CFAP43: variants seen among roughly 807,000 people sequenced by gnomAD.
The protein encoded by CFAP43 is cilia- and flagella-associated protein 43.
In CFAP43, 155 loss-of-function variants were observed where a neutral mutation model predicts 218.9. The ratio of observed to expected loss-of-function variants is 0.71; its 90% CI spans 0.62 to 0.81. The LOEUF (loss-of-function observed/expected upper bound fraction) is 0.81, where lower values mean the gene tolerates loss of function less well. CFAP43 is among the 30% of genes least tolerant of loss of function. CFAP43 has a pLI of 0.00. For missense variants in CFAP43, 1,778 were observed against 1,954.3 expected (o/e 0.91, Z 1.70); for synonymous variants, 645 against 681.3 (o/e 0.95, Z 0.83).
chr10:104,148,014 A>G lies in CFAP43; in HGVS notation c.3661-16T>C. 2.0e-6 allele frequency: 3 copies of G among 1,526,790 alleles called. No homozygotes were observed. The highest frequency in any genetic ancestry group is 2.7e-6 in the Non-Finnish European group (3 of 1,128,794). 94.6% of individuals were successfully genotyped at this position (1,526,790 alleles called of 1,614,324 possible). A position where few individuals can be genotyped will look rare whatever the true frequency, so the allele number is the denominator to read the frequency against. ...TCAGTTCCTCCTGTAGAAATATTTA[A>G]GAAAAAGGTTGGTGGAATTACTTCC... On this transcript the variant is annotated splice_polypyrimidine_tract_variant and intron_variant, in intron 28 of 37. Transcript: ENST00000357060.
rs143442935 is a variant in CFAP43, at chr10:104,162,352, C to T, written c.3298G>A (p.Val1100Met). 125 of 1,614,166 alleles carry T rather than the reference C, an allele frequency of 7.7e-5. No homozygotes were observed. In the African/African-American group the frequency reaches 1.2e-3, roughly 15 times the overall value. The change falls in exon 25 of 38, where the codon GTG (valine) becomes ATG (methionine). Residue 1100 changes from valine (V) to methionine (M), a missense_variant. Transcript: ENST00000357060. ...AGCCAGTGCTCCTTTTCATGATTCA[C>T]GATCAATTCTTTGGCTTTGTGCCAC... ...KPWHKAKELI[V>M]NHEKEHWLLI...
At position 104,131,459 on chromosome 10, in the gene CFAP43, C is replaced by A. The variant is rs1407256916; in HGVS notation, c.4703G>T (p.Cys1568Phe). 1.9e-6 allele frequency: 3 copies of A among 1,611,140 alleles called. No homozygotes were observed. The highest frequency in any genetic ancestry group is 3.4e-5 in the Admixed American group (2 of 59,340). ...TCCAAGTTTTTTGAGTAGTTTCTTG[C>A]AGTTTTCCACATTCTTTTTGTGCAT... ...DKMHKKNVEN[C>F]KKLLKKLGKF... The change falls in exon 37 of 38, where the codon TGC becomes TTC. Residue 1568 changes from cysteine (C) to phenylalanine (F), a missense_variant. Physicochemically the swap from Cys to Phe is radical, Grantham distance 205. This residue lies in a region of CFAP43 where 211 missense variants were observed against 230.6 expected (regional missense o/e 0.91). Transcript: ENST00000357060.
intron 10 of CFAP43, among the ~76,000 whole-genome samples, chr10:104,194,495 G>A (rs548660471): frequency 3.9e-5 from 6 of 152,152 alleles, no homozygotes; most frequent in African/African-American, 9.6e-5. Context: ...TCAGCCTGCC[G>A]AGTCGCTGGG....
At position 104,214,305 on chromosome 10, in the gene CFAP43, C is replaced by T. The variant is rs761598685; in HGVS notation, c.538G>A (p.Val180Met). The change falls in exon 4 of 38, where the codon GTG becomes ATG. Residue 180 changes from valine (V) to methionine (M), a missense_variant. Physicochemically the swap from Val to Met is conservative, Grantham distance 21. Coordinates refer to ENST00000357060, the MANE Select transcript of CFAP43 (RefSeq NM_025145.7). ...LCLSSPSTVS[V>M]WTIERSNQEH... Reference sequence around the variant, plus strand: ...TGGTTACTTCTTTCAATGGTCCACACGCTCACTGTACTTGGACTTGATAAG... The same window carrying T: ...TGGTTACTTCTTTCAATGGTCCACATGCTCACTGTACTTGGACTTGATAAG... 1.1e-5 allele frequency: 17 copies of T among 1,607,690 alleles called. No individual in the cohort carries two copies. In the East Asian group the frequency reaches 2.2e-4, roughly 21 times the overall value.
chr10:104,180,566 C>T (rs2089798560), intron 17 of CFAP43, among the ~76,000 whole-genome samples: 2 of 151,888 alleles, frequency 1.3e-5, no homozygotes, highest in Non-Finnish European at 2.9e-5. Context: ...CTGCCTCAGC[C>T]TCCTGAGTAG....
intron 17 of CFAP43, 28 bp from the exon 18 acceptor site, chr10:104,179,960 T>C: frequency 6.4e-7 from 1 of 1,573,676 alleles, no homozygotes; most frequent in South Asian, 1.1e-5. Flanking sequence ...AAGACAGACA[T>C]GTCTTAAAGT....
In CFAP43 at chr10:104,224,710, G is replaced by A. The variant is rs550204578; in HGVS notation, c.416+751C>T. On this transcript the variant is annotated intron_variant, in intron 3 of 37. Transcript: ENST00000357060. The stretch of plus-strand genomic sequence containing the variant: ...ATGGAGGTTGCAGTGAGCTGAGATC[G>A]TGCCACTGCACTCCAGCCTGGGGGA... 3.1e-3 allele frequency among the ~76,000 whole-genome samples: 437 copies of A among 143,124 alleles called. 2 individuals are homozygous for A. Among genetic ancestry groups the A allele is most frequent in the South Asian group, 4.7e-3 (21 of 4,502 alleles). The allele number at this position is 143,124 out of a possible 152,430, so 93.9% of individuals were successfully genotyped here. A position where few individuals can be genotyped will look rare whatever the true frequency, so the allele number is the denominator to read the frequency against.
chr10:104,165,969 C>T (rs1485464530), intron 23 of CFAP43, among the ~76,000 whole-genome samples: 1 of 152,194 alleles, frequency 6.6e-6, no homozygotes. Context: ...AACTTGGTAT[C>T]ACAGTAACCT....
In CFAP43 at chr10:104,205,212, CA is replaced by C. The variant is rs71022723; in HGVS notation, c.963+750del. On this transcript the variant is annotated intron_variant, in intron 7 of 37. Coordinates refer to ENST00000357060, the MANE Select transcript of CFAP43 (RefSeq NM_025145.7). Reference sequence around the variant, plus strand: ...TGGGAGACAGAGCGAGACTCCGTCTCAAAAAAAAAAAAAAAAAAAAAAAGAA... The same window carrying C: ...TGGGAGACAGAGCGAGACTCCGTCTCAAAAAAAAAAAAAAAAAAAAAAGAA... 3.6e-3 allele frequency among the ~76,000 whole-genome samples: 202 copies of C among 56,552 alleles called. 1 individual carries two copies. Among genetic ancestry groups the C allele is most frequent in the East Asian group, 0.021 (42 of 1,998 alleles). 37.1% of individuals were successfully genotyped at this position (56,552 alleles called of 152,430 possible).
Position 104,225,488 on chromosome 10 carries a change from G to C in CFAP43, c.389C>G (p.Ser130Cys), listed in dbSNP as rs1339816448. The C allele has an allele frequency of 1.9e-6, 3 of 1,612,694 alleles. No homozygotes were observed. The East Asian group carries it at 6.7e-5, about 36-fold the overall frequency. Residue 130 changes from serine to cysteine, a missense_variant, in exon 3 of 38, where the codon TCT becomes TGT. This residue lies in a region of CFAP43 where 1,553 missense variants were observed against 1,685.2 expected (regional missense o/e 0.92). Coordinates refer to ENST00000357060, the MANE Select transcript of CFAP43 (RefSeq NM_025145.7). ...AAGGGCCAGTTCAAATTCTGGGAGAGAGGAGTAACTAGCCAGGTAGGTGCC... is the reference window on the plus strand; with the variant it reads ...AAGGGCCAGTTCAAATTCTGGGAGACAGGAGTAACTAGCCAGGTAGGTGCC... Reference protein sequence around the residue: ...YCGTYLASYSSLPEFELALWN... With the variant: ...YCGTYLASYSCLPEFELALWN...
chr10:104,143,259 C>CAATA (rs1438547173), intron 32 of CFAP43, among the ~76,000 whole-genome samples, 167 bp downstream of exon 32: 3 of 152,300 alleles, frequency 2.0e-5, no homozygotes, highest in African/African-American at 7.2e-5. Context: ...ACTTAGCCTT[C>CAATA]AATAGCACCA....
chr10:104,141,211 T>C (rs954938431), intron 33 of CFAP43, among the ~76,000 whole-genome samples: 1 of 152,184 alleles, frequency 6.6e-6, no homozygotes, highest in Non-Finnish European at 1.5e-5. Flanking sequence ...AAAAATGGTA[T>C]GGACAGAAAT....
chr10:104,207,762 G>A lies in CFAP43; in HGVS notation c.798C>T (p.Asp266=), dbSNP rs748982269. The change falls in exon 6 of 38, where the codon GAC becomes GAT. Residue 266 remains aspartate (D), a synonymous_variant. Coordinates refer to ENST00000357060, the MANE Select transcript of CFAP43 (RefSeq NM_025145.7). Reference sequence around the variant, plus strand: ...GACCCTCTTCACAGCCAATGTACAAGTCACTTGTTGGAGTCCAGCAATGCA... The same window carrying A: ...GACCCTCTTCACAGCCAATGTACAAATCACTTGTTGGAGTCCAGCAATGCA... ...PTMHCWTPTS[D]LYIGCEEGHL... 6.2e-7 allele frequency: 1 copy of A among 1,614,152 alleles called. No individual in the cohort carries two copies. Among genetic ancestry groups the A allele is most frequent in the South Asian group, 1.1e-5 (1 of 91,074 alleles).
At chr10:104,156,191 A>G (rs989819594) in intron 27 of CFAP43, among the ~76,000 whole-genome samples, 1 of 152,144 alleles carries the variant, frequency 6.6e-6, no homozygotes, top group Non-Finnish European at 1.5e-5. Flanking sequence ...CAAAAGAAAA[A>G]TCATAAAATC....
intron 10 of CFAP43, among the ~76,000 whole-genome samples, chr10:104,196,402 A>G (rs111693142): frequency 0.012 from 1,759 of 152,284 alleles, 25 homozygotes; most frequent in African/African-American, 0.036. Flanking sequence ...CATTTCTGAG[A>G]AAAAGCACTT....
intron 8 of CFAP43, among the ~76,000 whole-genome samples, chr10:104,201,979 C>T (rs1395124623): frequency 6.6e-6 from 1 of 152,072 alleles, no homozygotes; most frequent in Non-Finnish European, 1.5e-5. Flanking sequence ...CATCAGGGGT[C>T]ATCAAACTTT....
chr10:104,206,565 G>T (rs569794270), intron 6 of CFAP43, among the ~76,000 whole-genome samples: 34 of 152,306 alleles, frequency 2.2e-4, no homozygotes, highest in African/African-American at 8.2e-4. Context: ...GTTAAAAGTG[G>T]CCTTCAAAGA....
intron 8 of CFAP43, among the ~76,000 whole-genome samples, chr10:104,200,765 G>C (rs996066377): frequency 6.6e-6 from 1 of 150,526 alleles, no homozygotes; most frequent in African/African-American, 2.4e-5. Flanking sequence ...AGAGGGAAAA[G>C]CCAGTACAAA....
intron 27 of CFAP43, among the ~76,000 whole-genome samples, chr10:104,155,243 G>A (rs574345024): frequency 2.6e-5 from 4 of 152,284 alleles, no homozygotes; most frequent in African/African-American, 9.6e-5. Flanking sequence ...ACTTGGCGAT[G>A]TCTCTGGACA....
Sources: allele counts gnomAD v4.1 joint callset (sites outside exome capture counted in the v4.1 genomes callset), GRCh38; gene constraint gnomAD v4.1.1; regional missense constraint gnomAD v4.1.1; transcripts MANE v1.5; gene names NCBI Gene and HGNC (gene_info 2026-07-23, HGNC 2026-07-21).